SHC3: variants seen among roughly 807,000 people sequenced by gnomAD.
The protein encoded by SHC3 is SHC-transforming protein 3.
SHC3 carries 15 observed loss-of-function variants against 60.4 expected under a neutral mutation model. The ratio of observed to expected loss-of-function variants is 0.25; its 90% confidence interval spans 0.17 to 0.38. The LOEUF (loss-of-function observed/expected upper bound fraction) is 0.38. Ranked by LOEUF, SHC3 falls within the 10% of genes least tolerant of loss-of-function variation. The pLI is 1.00. For synonymous variants in SHC3, 294 were observed against 325.9 expected (o/e 0.90, Z 1.05); for missense variants, 677 against 786.1 (o/e 0.86, Z 1.66).
chr9:89,017,690 T>C (rs1826119953), intron 11 of SHC3, among the ~76,000 whole-genome samples: 1 of 152,090 alleles, frequency 6.6e-6, no homozygotes, highest in African/African-American at 2.4e-5. Context: ...CAAAAGAAAC[T>C]ATCATCAGAG....
intron 2 of SHC3, among the ~76,000 whole-genome samples, chr9:89,100,058 T>C (rs114864231): frequency 1.4e-3 from 212 of 152,322 alleles, no homozygotes; most frequent in African/African-American, 4.9e-3. Flanking sequence ...TAGAATTCAT[T>C]AATTGACCCA....
At chr9:89,037,646 A>G in intron 11 of SHC3, 1 of 659,132 alleles carries the variant, frequency 1.5e-6, no homozygotes, top group African/African-American at 1.8e-5. Flanking sequence ...CAAGATAAAT[A>G]TTAAAAGCCT....
At chr9:89,169,914 A>AGACAG (rs1826844237) in intron 1 of SHC3, among the ~76,000 whole-genome samples, 1 of 152,192 alleles carries the variant, frequency 6.6e-6, no homozygotes, top group African/African-American at 2.4e-5. Flanking sequence ...TGACCTTGCA[A>AGACAG]GACAGGCAGG....
At chr9:89,115,515 T>A (rs1002972214) in intron 1 of SHC3, among the ~76,000 whole-genome samples, 1 of 152,130 alleles carries the variant, frequency 6.6e-6, no homozygotes, top group African/African-American at 2.4e-5. Flanking sequence ...CTGCCACCAA[T>A]AGAGAATTAT....
At chr9:89,092,209 C>T (rs1320349083) in intron 2 of SHC3, among the ~76,000 whole-genome samples, 2 of 152,174 alleles carry the variant, frequency 1.3e-5, no homozygotes, top group Non-Finnish European at 2.9e-5. Flanking sequence ...TGGTTCAGCA[C>T]AGAAGGGTGT....
At chr9:89,117,320 A>C (rs2118130437) in intron 1 of SHC3, among the ~76,000 whole-genome samples, 1 of 152,246 alleles carries the variant, frequency 6.6e-6, no homozygotes, top group Non-Finnish European at 1.5e-5. Flanking sequence ...CTGCAGTGTC[A>C]ATTTTTTGAA....
chr9:89,121,526 G>A (rs1826092850), intron 1 of SHC3, among the ~76,000 whole-genome samples: 1 of 152,178 alleles, frequency 6.6e-6, no homozygotes, highest in African/African-American at 2.4e-5. Context: ...CCGACCTCAG[G>A]AGATCTGCCC....
chr9:89,007,484 G>A lies in SHC3; in HGVS notation c.*5963C>T, dbSNP rs774297570. The A allele has an allele frequency of 4.6e-5, 7 of 152,256 alleles. No homozygotes were observed. Among genetic ancestry groups the A allele is most frequent in the Non-Finnish European group, 1.0e-4 (7 of 68,096 alleles). 9.4% of individuals were successfully genotyped at this position (152,256 alleles called of 1,614,324 possible). A position where few individuals can be genotyped will look rare whatever the true frequency, so the allele number is the denominator to read the frequency against. ...TTCACTTCTCTATCCCACCATCCCA[G>A]TACAGGGCCAGCCACATATTAACTA... On this transcript the variant is annotated 3_prime_UTR_variant, in exon 12 of 12. Coordinates refer to ENST00000375835, the MANE Select transcript of SHC3 (RefSeq NM_016848.6).
Position 89,098,486 on chromosome 9 carries a change from G to A in SHC3, c.545+14070C>T, listed in dbSNP as rs181826503. Reference sequence around the variant, plus strand: ...TAACTAGTTAGTGTTGAAGAGGTATGATGTTTCCAACTTATTCTCAAATAG... The same window carrying A: ...TAACTAGTTAGTGTTGAAGAGGTATAATGTTTCCAACTTATTCTCAAATAG... On this transcript the variant is annotated intron_variant, in intron 2 of 11. Transcript: ENST00000375835. 2.3e-4 allele frequency among the ~76,000 whole-genome samples: 35 copies of A among 152,308 alleles called. No individual in the cohort carries two copies. In the East Asian group the frequency reaches 6.4e-3, roughly 28 times the overall value.
chr9:89,112,563 T>A lies in SHC3; in HGVS notation c.538A>T (p.Ile180Phe). The A allele has an allele frequency of 1.9e-6, 3 of 1,604,730 alleles. No homozygotes were observed. Among genetic ancestry groups the A allele is most frequent in the African/African-American group, 1.3e-5 (1 of 74,522 alleles). The change falls in exon 2 of 12, where the codon ATT becomes TTT. Residue 180 changes from isoleucine (I) to phenylalanine (F), a missense_variant. Ile to Phe is a conservative substitution (Grantham distance 21, BLOSUM62 0). Coordinates refer to ENST00000375835, the MANE Select transcript of SHC3 (RefSeq NM_016848.6). The stretch of plus-strand genomic sequence containing the variant: ...ATTTTCAAGAGGGCTTACCTGGTAA[T>A]TTGTGTTCTTGTACTGAAGTCAAGA... The part of the protein sequence containing the change: ...RSLDFSTRTQ[I>F]TREAISRVCE...
Position 89,042,063 on chromosome 9 carries a change from A to G in SHC3, c.1323T>C (p.Ser441=), listed in dbSNP as rs761899509. The G allele has an allele frequency of 2.5e-6, 4 of 1,609,720 alleles. No homozygotes were observed. The South Asian group carries it at 4.4e-5, about 18-fold the overall frequency. Reference sequence around the variant, plus strand: ...GGTCTTTCCTTGGGCTGCTCTCAGCACTGCTGACCGCAGCCGGCCAGGCCT... The same window carrying G: ...GGTCTTTCCTTGGGCTGCTCTCAGCGCTGCTGACCGCAGCCGGCCAGGCCT... ...PPQAWPAAVS[S]AESSPRKDLF... Residue 441 remains serine (S), a synonymous_variant, in exon 10 of 12, where the codon AGT becomes AGC. Coordinates refer to ENST00000375835, the MANE Select transcript of SHC3 (RefSeq NM_016848.6).
At position 89,048,237 on chromosome 9, in the gene SHC3, C is replaced by T. The variant is rs1824804547; in HGVS notation, c.963-1243G>A. Among the ~76,000 whole-genome samples, 3 of 68,380 alleles carry T rather than the reference C, an allele frequency of 4.4e-5. 1 individual carries two copies. In the South Asian group the frequency reaches 1.6e-3, roughly 35 times the overall value. The allele number at this position is 68,380 out of a possible 152,430, so 44.9% of individuals were successfully genotyped here. A position where few individuals can be genotyped will look rare whatever the true frequency, so the allele number is the denominator to read the frequency against. ...CCAGCCTGGGCAATGGAGTAAGACTCCATTAAAAAAAAAAAAAAAAGGTAG... is the reference window on the plus strand; with the variant it reads ...CCAGCCTGGGCAATGGAGTAAGACTTCATTAAAAAAAAAAAAAAAAGGTAG... On this transcript the variant is annotated intron_variant, in intron 7 of 11. Transcript: ENST00000375835.
In SHC3 at chr9:89,178,183, C is replaced by T. The variant is rs1260333838; in HGVS notation, c.278G>A (p.Gly93Asp). 1 of 1,331,476 alleles carries T rather than the reference C, an allele frequency of 7.5e-7. No individual in the cohort carries two copies. The highest frequency in any genetic ancestry group is 9.6e-7 in the Non-Finnish European group (1 of 1,042,956). 82.5% of individuals were successfully genotyped at this position (1,331,476 alleles called of 1,614,324 possible). ...GLSSAARERA[G>D]ARLSGSCSAP... Reference sequence around the variant, plus strand: ...GCTGCAGCTGCCCGAGAGCCGCGCGCCCGCCCGCTCCCGGGCGGCCGACGA... The same window carrying T: ...GCTGCAGCTGCCCGAGAGCCGCGCGTCCGCCCGCTCCCGGGCGGCCGACGA... The change falls in exon 1 of 12, where the codon GGC (glycine) becomes GAC (aspartate). Residue 93 changes from glycine to aspartate, a missense_variant. By Grantham distance (94) the Gly-to-Asp change is moderately conservative (BLOSUM62 -1). Coordinates refer to ENST00000375835, the MANE Select transcript of SHC3 (RefSeq NM_016848.6). This position sits in a 1 kb window ranked among gnomAD's most constrained non-coding sequence, Gnocchi z 6.9.
intron 1 of SHC3, among the ~76,000 whole-genome samples, chr9:89,151,072 G>A (rs1210032592): frequency 1.3e-5 from 2 of 150,810 alleles, no homozygotes; most frequent in African/African-American, 4.9e-5. Flanking sequence ...AGGCTGGAGT[G>A]CAGTGCTGTG....
chr9:89,023,557 T>TG (rs1412289792), intron 11 of SHC3, among the ~76,000 whole-genome samples: 1 of 152,228 alleles, frequency 6.6e-6, no homozygotes, highest in East Asian at 1.9e-4. Flanking sequence ...CTGCTTGGCT[T>TG]GGGGGAGGTG....
At chr9:89,023,728 A>C (rs1826241732) in intron 11 of SHC3, among the ~76,000 whole-genome samples, 2 of 152,254 alleles carry the variant, frequency 1.3e-5, no homozygotes, top group Admixed American at 1.3e-4. Context: ...AGGTATGACC[A>C]CATAGAGAAA....
At chr9:89,147,368 C>T (rs1345586797) in intron 1 of SHC3, among the ~76,000 whole-genome samples, 1 of 152,110 alleles carries the variant, frequency 6.6e-6, no homozygotes, top group African/African-American at 2.4e-5. Context: ...CCTGGCTTCA[C>T]CCACCTTCTG....
chr9:89,036,963 T>TAA (rs34705440), intron 11 of SHC3, among the ~76,000 whole-genome samples: 69,222 of 141,790 alleles, frequency 0.49, 17,619 homozygotes, highest in East Asian at 0.95. Flanking sequence ...ACATATATGT[T>TAA]AAAAAAAAAA....
Position 89,178,490 on chromosome 9 carries a change from G to A in SHC3, c.-30C>T, listed in dbSNP as rs756214354. 7.0e-6 allele frequency: 10 copies of A among 1,422,176 alleles called. No homozygotes were observed. The highest frequency in any genetic ancestry group is 8.3e-6 in the Non-Finnish European group (9 of 1,082,344). The allele number at this position is 1,422,176 out of a possible 1,614,324, so 88.1% of individuals were successfully genotyped here. ...CTCCGTGGGCTCGCTGCATCCGCCC[G>A]GGCGCTGCTGGTGCCGGCCCCGGCG... On this transcript the variant is annotated 5_prime_UTR_variant, in exon 1 of 12. Coordinates refer to ENST00000375835, the MANE Select transcript of SHC3 (RefSeq NM_016848.6). The surrounding 1 kb of genome is among the most constrained non-coding windows in gnomAD (Gnocchi z 6.9).
Sources: gnomAD v4.1 joint callset for allele counts (sites outside exome capture counted in the v4.1 genomes callset) on GRCh38, gnomAD v4.1.1 for gene constraint, Gnocchi (gnomAD v3.1) non-coding constraint, MANE v1.5 for transcripts, NCBI Gene and HGNC (gene_info 2026-07-23, HGNC 2026-07-21) for gene names.